Variants in HNF1A observed in about 807,000 individuals in gnomAD.
HNF1A encodes HNF1 homeobox A.
A neutral mutation model predicts 62.2 loss-of-function variants in HNF1A; 21 were observed. That is an observed-to-expected ratio of 0.34 (90% confidence interval 0.24 to 0.49). The LOEUF is 0.49. Among genes scored for constraint, HNF1A ranks in the 20% least tolerant of loss-of-function variants. The probability of loss-of-function intolerance (pLI) is 0.99; values close to 1 mark genes in which losing one functional copy is unlikely to be tolerated. For missense variants in HNF1A, 687 were observed against 832.3 expected (o/e 0.83, Z 2.15); for synonymous variants, 374 against 366.8 (o/e 1.02, Z -0.22).
chr12:120,998,063 T>G, intron 7 of HNF1A: 1 of 447,574 alleles, frequency 2.2e-6, no homozygotes, highest in Non-Finnish European at 4.1e-6. Context: ...GCAGATCACT[T>G]GAGGTCAGGA....
intron 1 of HNF1A, among the ~76,000 whole-genome samples, chr12:120,982,007 G>A (rs1876269211): frequency 6.6e-6 from 1 of 152,156 alleles, no homozygotes; most frequent in African/African-American, 2.4e-5. Flanking sequence ...GTTCCTTCCT[G>A]GGTGTCCTCC....
chr12:120,991,550 C>G (rs749192826), intron 2 of HNF1A, among the ~76,000 whole-genome samples: 7 of 152,160 alleles, frequency 4.6e-5, no homozygotes, highest in African/African-American at 1.7e-4. Context: ...GCCAAGATCA[C>G]GCCACTGCAC....
At chr12:120,987,823 C>T (rs1876597350) in intron 1 of HNF1A, among the ~76,000 whole-genome samples, 1 of 151,814 alleles carries the variant, frequency 6.6e-6, no homozygotes, top group African/African-American at 2.4e-5. Context: ...CGTGTTTGCA[C>T]CCTAATCACT....
intron 1 of HNF1A, among the ~76,000 whole-genome samples, chr12:120,984,787 G>A (rs1424796528): frequency 6.6e-6 from 1 of 151,954 alleles, no homozygotes; most frequent in East Asian, 1.9e-4. Context: ...GTCCCAACTA[G>A]ATCACCTTGC....
In HNF1A at chr12:120,989,024, T is replaced by C; in HGVS notation, c.518T>C (p.Val173Ala). 1 of 1,613,956 alleles carries C rather than the reference T, an allele frequency of 6.2e-7. No homozygotes were observed. The highest frequency in any genetic ancestry group is 8.5e-7 in the Non-Finnish European group (1 of 1,179,982). The change falls in exon 2 of 10, where the codon GTG becomes GCG. Residue 173 changes from valine to alanine, a missense_variant. Val to Ala is a moderately conservative substitution (Grantham distance 64). Around this residue, in one of 5 missense-constraint regions of HNF1A, gnomAD observed 47 missense variants for 52.5 expected, o/e 0.90. Coordinates refer to ENST00000257555, the MANE Select transcript of HNF1A (RefSeq NM_000545.8). ...YTWYVRKQRE[V>A]AQQFTHAGQG... ...TGGTACGTCCGCAAGCAGCGAGAGG[T>C]GGCGCAGCGTAAGTAATGACCCTAC... is the stretch of plus-strand genomic sequence containing the variant.
chr12:120,987,644 G>A (rs2135830396), intron 1 of HNF1A, among the ~76,000 whole-genome samples: 1 of 151,808 alleles, frequency 6.6e-6, no homozygotes, highest in East Asian at 1.9e-4. Flanking sequence ...AGAAGCCACT[G>A]AGGCCCACAG....
intron 2 of HNF1A, among the ~76,000 whole-genome samples, chr12:120,989,525 G>T (rs1460639950): frequency 2.0e-5 from 3 of 152,088 alleles, no homozygotes; most frequent in Non-Finnish European, 4.4e-5. Context: ...CTCCCAAAGT[G>T]CTGGGATTAC....
rs138996307 is a variant in HNF1A, at chr12:120,997,487, G to C, written c.1323G>C (p.Thr441=). Residue 441 remains threonine, a synonymous_variant, in exon 7 of 10, where the codon ACG becomes ACC. Transcript: ENST00000257555. ...CTTCCACTCCAGGCCTGGCCTCCAC[G>C]CAGGCACAGAGTGTGCCGGTCATCA... ...ASTLVIGLAS[T]QAQSVPVINS... 1.6e-5 allele frequency: 26 copies of C among 1,608,714 alleles called. 1 individual carries two copies. The highest frequency in any genetic ancestry group is 2.2e-5 in the Non-Finnish European group (26 of 1,178,132).
At chr12:120,989,447 C>T (rs984798045) in intron 2 of HNF1A, among the ~76,000 whole-genome samples, 1 of 152,044 alleles carries the variant, frequency 6.6e-6, no homozygotes, top group Non-Finnish European at 1.5e-5. Context: ...TTAGTAGAGA[C>T]GGGGGTTTCA....
rs1023988737 is a variant in HNF1A, at chr12:120,997,574, C to G, written c.1410C>G (p.Pro470=). The change falls in exon 7 of 10, where the codon CCC becomes CCG. Residue 470 remains proline (P), a synonymous_variant. Coordinates refer to ENST00000257555, the MANE Select transcript of HNF1A (RefSeq NM_000545.8). The part of the protein sequence containing the change: ...QPVQFSQPLH[P]SYQQPLMPPV... Reference sequence around the variant, plus strand: ...TCCAGTTCTCCCAGCCGCTGCACCCCTCCTACCAGCAGCCGCTCATGCCAC... The same window carrying G: ...TCCAGTTCTCCCAGCCGCTGCACCCGTCCTACCAGCAGCCGCTCATGCCAC... 8 of 1,613,866 alleles carry G rather than the reference C, an allele frequency of 5.0e-6. No individual in the cohort carries two copies. Among genetic ancestry groups the G allele is most frequent in the Non-Finnish European group, 6.8e-6 (8 of 1,180,004 alleles).
In HNF1A at chr12:121,002,078, C is replaced by T. The variant is rs1247530900; in HGVS notation, c.*886C>T. ...TCTCGAGCGCCCTGCAGACCCTGCC[C>T]TTGTTTGGGGCAGGAGTAGCTGAGC... is the stretch of plus-strand genomic sequence containing the variant. On this transcript the variant is annotated 3_prime_UTR_variant, in exon 10 of 10. Transcript: ENST00000257555. 2 of 536,172 alleles carry T rather than the reference C, an allele frequency of 3.7e-6. No homozygotes were observed. Among genetic ancestry groups the T allele is most frequent in the African/African-American group, 1.9e-5 (1 of 53,942 alleles). The allele number at this position is 536,172 out of a possible 1,614,324, so 33.2% of individuals were successfully genotyped here. A position where few individuals can be genotyped will look rare whatever the true frequency, so the allele number is the denominator to read the frequency against.
At chr12:120,982,924 G>A (rs2135824813) in intron 1 of HNF1A, among the ~76,000 whole-genome samples, 1 of 152,246 alleles carries the variant, frequency 6.6e-6, no homozygotes, top group Non-Finnish European at 1.5e-5. Context: ...AATGCGCTAA[G>A]CTCATTTTTT....
intron 1 of HNF1A, 41 bp from the exon 2 acceptor site, chr12:120,988,792 A>G (rs1472548076): frequency 6.3e-7 from 1 of 1,598,278 alleles, no homozygotes; most frequent in South Asian, 1.1e-5. Flanking sequence ...ATGGGGAGAG[A>G]CAGCCCTTGC....
In HNF1A at chr12:120,978,643, TG is replaced by T. The variant is rs754470733; in HGVS notation, c.-119del. On this transcript the variant is annotated 5_prime_UTR_variant, in exon 1 of 10. Coordinates refer to ENST00000257555, the MANE Select transcript of HNF1A (RefSeq NM_000545.8). ...CCACAGGGCTTGGCTAGTGGGGTTTTGGGGGGGCAGTGGGTGCAAGGAGTTT... is the reference window on the plus strand; with the variant it reads ...CCACAGGGCTTGGCTAGTGGGGTTTTGGGGGGCAGTGGGTGCAAGGAGTTT... 6.7e-6 allele frequency: 6 copies of T among 895,418 alleles called. No individual in the cohort carries two copies. The highest frequency in any genetic ancestry group is 2.5e-5 in the East Asian group (1 of 39,726). The allele number at this position is 895,418 out of a possible 1,614,324, so 55.5% of individuals were successfully genotyped here. A position where few individuals can be genotyped will look rare whatever the true frequency, so the allele number is the denominator to read the frequency against.
At chr12:120,993,752 G>C (rs1338344264) in intron 3 of HNF1A, 46 bp downstream of exon 3, 3 of 1,592,282 alleles carry the variant, frequency 1.9e-6, no homozygotes, top group Non-Finnish European at 2.6e-6. Context: ...CTGGGCTGCG[G>C]CAAGGCCAGG....
At chr12:120,981,538 C>T (rs1165597313) in intron 1 of HNF1A, among the ~76,000 whole-genome samples, 2 of 152,232 alleles carry the variant, frequency 1.3e-5, no homozygotes, top group African/African-American at 4.8e-5. Context: ...TCCTCTCGGC[C>T]TTTGCTGCAG....
rs575473918 is a variant in HNF1A, at chr12:120,993,718, G to A, written c.713+12G>A. On this transcript the variant is annotated intron_variant, in intron 3 of 9. Coordinates refer to ENST00000257555, the MANE Select transcript of HNF1A (RefSeq NM_000545.8). ...GAGGAGTGCAATAGGTACAACGGCGGGCGGGAAACAGTGCTGGTTTGGTCT... is the reference window on the plus strand; with the variant it reads ...GAGGAGTGCAATAGGTACAACGGCGAGCGGGAAACAGTGCTGGTTTGGTCT... The A allele has an allele frequency of 1.2e-6, 2 of 1,613,224 alleles. No individual in the cohort carries two copies. The highest frequency in any genetic ancestry group is 8.5e-7 in the Non-Finnish European group (1 of 1,179,746).
In HNF1A at chr12:120,994,364, C is replaced by G. The variant is rs764578063; in HGVS notation, c.914C>G (p.Pro305Arg). The change falls in exon 4 of 10, where the codon CCT becomes CGT. Residue 305 changes from proline (P) to arginine (R), a missense_variant. By Grantham distance (103) the Pro-to-Arg change is moderately radical (BLOSUM62 -2). This residue lies in a region of HNF1A where 408 missense variants were observed against 455.3 expected (regional missense o/e 0.90). Coordinates refer to ENST00000257555, the MANE Select transcript of HNF1A (RefSeq NM_000545.8). ...CCTGCGCTGCCCGCTCACAGCTCCC[C>G]TGGCCTGCCTCCACCTGCCCTCTCC... ...PGPALPAHSSPGLPPPALSPS... is the reference protein window; with the variant it reads ...PGPALPAHSSRGLPPPALSPS... The G allele has an allele frequency of 1.3e-6, 2 of 1,596,794 alleles. No homozygotes were observed. Among genetic ancestry groups the G allele is most frequent in the South Asian group, 2.3e-5 (2 of 88,606 alleles).
chr12:120,996,397 G>A lies in HNF1A; in HGVS notation c.1091G>A (p.Ser364Asn), dbSNP rs763502154. 4 of 1,614,198 alleles carry A rather than the reference G, an allele frequency of 2.5e-6. No individual in the cohort carries two copies. The highest frequency in any genetic ancestry group is 1.1e-5 in the South Asian group (1 of 91,088). ...TGLEPSHSLLSTEAKLVSAAG... is the reference protein window; with the variant it reads ...TGLEPSHSLLNTEAKLVSAAG... ...CTGGAGCCCAGCCACAGCCTGCTGA[G>A]TACAGAAGCCAAGCTGGTGAGTGTC... is the stretch of plus-strand genomic sequence containing the variant. Residue 364 changes from serine (S) to asparagine (N), a missense_variant, in exon 5 of 10, where the codon AGT becomes AAT. Ser to Asn is a conservative substitution (Grantham distance 46). Transcript: ENST00000257555. The surrounding 1 kb of genome is among the most constrained non-coding windows in gnomAD (Gnocchi z 4.5).
Sources: gnomAD v4.1 joint callset for allele counts (sites outside exome capture counted in the v4.1 genomes callset) on GRCh38, gnomAD v4.1.1 for gene constraint, gnomAD v4.1.1 regional missense constraint, Gnocchi (gnomAD v3.1) non-coding constraint, MANE v1.5 for transcripts, NCBI Gene and HGNC (gene_info 2026-07-23, HGNC 2026-07-21) for gene names.